Variants in PDK2 observed in about 807,000 individuals in gnomAD.
PDK2 encodes the protein pyruvate dehydrogenase kinase, isozyme 2.
A neutral mutation model predicts 50.4 loss-of-function variants in PDK2; 34 were observed. The ratio of observed to expected loss-of-function variants is 0.68; its 90% CI spans 0.51 to 0.90. The LOEUF is 0.90. PDK2 is among the 40% of genes least tolerant of loss of function. The pLI is 0.00. For missense variants in PDK2, 377 were observed against 544.5 expected (o/e 0.69, Z 3.06); for synonymous variants, 232 against 216.0 (o/e 1.07, Z -0.65).
Position 50,097,543 on chromosome 17 carries a change from C to T in PDK2, c.239C>T (p.Ser80Phe). Reference sequence around the variant, plus strand: ...CCCGACCGAGTGCTGAGCACACCCTCCGTGCAGCTGGTGCAGAGCTGGTGA... The same window carrying T: ...CCCGACCGAGTGCTGAGCACACCCTTCGTGCAGCTGGTGCAGAGCTGGTGA... ...LLPDRVLSTP[S>F]VQLVQSWYVQ... Residue 80 changes from serine (S) to phenylalanine (F), a missense_variant, in exon 2 of 11, where the codon TCC becomes TTC. Transcript: ENST00000503176. 1 of 1,613,660 alleles carries T rather than the reference C, an allele frequency of 6.2e-7. No individual in the cohort carries two copies. The highest frequency in any genetic ancestry group is 8.5e-7 in the Non-Finnish European group (1 of 1,180,014).
intron 2 of PDK2, among the ~76,000 whole-genome samples, chr17:50,104,561 A>G (rs1910404038): frequency 6.6e-6 from 1 of 152,170 alleles, no homozygotes; most frequent in Non-Finnish European, 1.5e-5. Context: ...AAGTTCAGGG[A>G]TTCTTGATGC....
Position 50,109,892 on chromosome 17 carries a change from G to T in PDK2, c.1084-65G>T. On this transcript the variant is annotated intron_variant, in intron 10 of 10. Transcript: ENST00000503176. This position sits in a 1 kb window ranked among gnomAD's most constrained non-coding sequence, Gnocchi z 5.0. The stretch of plus-strand genomic sequence containing the variant: ...CTGGGCTGCCGCTGAGCTGGGGTGG[G>T]GTGGTCTGCTGAGGAGTGGACAAGG... 1.4e-6 allele frequency: 2 copies of T among 1,411,254 alleles called. No individual in the cohort carries two copies. The highest frequency in any genetic ancestry group is 1.9e-6 in the Non-Finnish European group (2 of 1,068,826). 87.4% of individuals were successfully genotyped at this position (1,411,254 alleles called of 1,614,324 possible).
chr17:50,101,116 C>T lies in PDK2; in HGVS notation c.260+3552C>T, dbSNP rs942078544. 1 of 152,222 alleles carries T rather than the reference C, an allele frequency of 6.6e-6. No homozygotes were observed. Among genetic ancestry groups the T allele is most frequent in the Non-Finnish European group, 1.5e-5 (1 of 68,050 alleles). The allele number at this position is 152,222 out of a possible 1,614,324, so 9.4% of individuals were successfully genotyped here. ...GACTCACTGCTGTCACTAACAGGCT[C>T]TTTGTGGGGGCTGTAGGTGGGAGGC... On this transcript the variant is annotated intron_variant, in intron 2 of 10. Transcript: ENST00000503176. The surrounding 1 kb of genome is among the most constrained non-coding windows in gnomAD (Gnocchi z 4.2).
At chr17:50,103,796 C>T (rs1361933807) in intron 2 of PDK2, among the ~76,000 whole-genome samples, 1 of 152,284 alleles carries the variant, frequency 6.6e-6, no homozygotes, top group East Asian at 1.9e-4. Context: ...AGAATCAGCA[C>T]TCTGGAGTGG....
intron 3 of PDK2, 53 bp from the exon 4 acceptor site, chr17:50,105,832 A>C: frequency 6.3e-7 from 1 of 1,583,442 alleles, no homozygotes; most frequent in Non-Finnish European, 8.6e-7. Flanking sequence ...GGGGAGTCAG[A>C]AGCGGAGAAG....
At position 50,107,062 on chromosome 17, in the gene PDK2, C is replaced by A. The variant is rs1486001962; in HGVS notation, c.608-14C>A. On this transcript the variant is annotated splice_polypyrimidine_tract_variant and intron_variant, in intron 5 of 10. Transcript: ENST00000503176. ...TGGGCCACCCATGCCCTGAATGACC[C>A]CATCTTCTCTCAGATGCCTACGACA... The A allele has an allele frequency of 6.2e-7, 1 of 1,613,156 alleles. No individual in the cohort carries two copies. Among genetic ancestry groups the A allele is most frequent in the Admixed American group, 1.7e-5 (1 of 60,012 alleles).
Position 50,110,199 on chromosome 17 carries a change from T to C in PDK2, c.*102T>C. On this transcript the variant is annotated 3_prime_UTR_variant, in exon 11 of 11. Coordinates refer to ENST00000503176, the MANE Select transcript of PDK2 (RefSeq NM_002611.5). ...TCCTGGGGGAGCAGGGGGTGGGTTC[T>C]CCCTGATGACCAGGTTCTGTCTCTA... The C allele has an allele frequency of 7.8e-7, 1 of 1,282,410 alleles. No individual in the cohort carries two copies. The highest frequency in any genetic ancestry group is 1.1e-6 in the Non-Finnish European group (1 of 948,002). The allele number at this position is 1,282,410 out of a possible 1,614,324, so 79.4% of individuals were successfully genotyped here.
At chr17:50,097,089 C>T (rs1909990377) in intron 1 of PDK2, among the ~76,000 whole-genome samples, 1 of 151,444 alleles carries the variant, frequency 6.6e-6, no homozygotes, top group African/African-American at 2.4e-5. Flanking sequence ...GGAATCAGCC[C>T]CTCAAAGTGA....
At chr17:50,097,854 A>G (rs932282215) in intron 2 of PDK2, 1 of 334,228 alleles carries the variant, frequency 3.0e-6, no homozygotes. Flanking sequence ...CAAAACCCCA[A>G]TTCAGGCTGA....
intron 2 of PDK2, among the ~76,000 whole-genome samples, chr17:50,103,645 C>CA (rs1910347470): frequency 6.6e-6 from 1 of 152,136 alleles, no homozygotes; most frequent in Admixed American, 6.5e-5. Flanking sequence ...CTTAAAGAGC[C>CA]AGGTCTGGGT....
At chr17:50,103,395 T>A (rs796352028) in intron 2 of PDK2, among the ~76,000 whole-genome samples, 9 of 152,132 alleles carry the variant, frequency 5.9e-5, no homozygotes, top group African/African-American at 2.2e-4. Flanking sequence ...TGGGAGAGTA[T>A]CAGATGCTGC....
chr17:50,097,442 G>GA lies in PDK2; in HGVS notation c.142dup (p.Thr48AsnfsTer67). The GA allele has an allele frequency of 6.2e-7, 1 of 1,613,868 alleles. No homozygotes were observed. The highest frequency in any genetic ancestry group is 2.2e-5 in the East Asian group (1 of 44,878). On this transcript the variant is annotated frameshift_variant, in exon 2 of 11. Coordinates refer to ENST00000503176, the MANE Select transcript of PDK2 (RefSeq NM_002611.5). LOFTEE classifies it high-confidence loss of function. The stretch of plus-strand genomic sequence containing the variant: ...TGCCAGGATCCAGCAATGCCTGTGA[G>GA]AAAACCTCCTTCACCTTCCTCAGGC...
At chr17:50,096,175 A>C in intron 1 of PDK2, 1 of 985,564 alleles carries the variant, frequency 1.0e-6, no homozygotes, top group Non-Finnish European at 1.2e-6. Context: ...GGACACTTGA[A>C]GATCAAATCT....
In PDK2 at chr17:50,111,849, G is replaced by A. The variant is rs1480200102; in HGVS notation, c.*1752G>A. ...CCAGCCCTCAGTGTGGCCCAGGGAA[G>A]CAGAGCTTGCACCGCCTGCCAGTTC... On this transcript the variant is annotated 3_prime_UTR_variant, in exon 11 of 11. Transcript: ENST00000503176. 6.6e-6 allele frequency: 1 copy of A among 152,212 alleles called. No homozygotes were observed. The highest frequency in any genetic ancestry group is 2.4e-5 in the African/African-American group (1 of 41,426). The allele number at this position is 152,212 out of a possible 1,614,324, so 9.4% of individuals were successfully genotyped here.
chr17:50,106,249 C>T, intron 4 of PDK2, 180 bp downstream of exon 4: 2 of 1,406,118 alleles, frequency 1.4e-6, no homozygotes, highest in Non-Finnish European at 1.9e-6. Flanking sequence ...ATTTTTCTTT[C>T]TCATTGATTT....
In PDK2 at chr17:50,110,150, CCACCGTGGTGCCCCT is replaced by C; in HGVS notation, c.*58_*72del. The stretch of plus-strand genomic sequence containing the variant: ...GACGGACTGCCGCCTCTGGGTCCCC[CCACCGTGGTGCCCCT>C]CACCATCCTCCTGGGGGAGCAGGGG... On this transcript the variant is annotated 3_prime_UTR_variant, in exon 11 of 11. Transcript: ENST00000503176. 10 of 1,515,516 alleles carry C rather than the reference CCACCGTGGTGCCCCT, an allele frequency of 6.6e-6. No homozygotes were observed. The highest frequency in any genetic ancestry group is 8.9e-7 in the Non-Finnish European group (1 of 1,125,240). 93.9% of individuals were successfully genotyped at this position (1,515,516 alleles called of 1,614,324 possible).
chr17:50,095,163 C>G (rs1567709998), upstream of PDK2: 2 of 404,510 alleles, frequency 4.9e-6, no homozygotes, highest in Non-Finnish European at 8.9e-6. Flanking sequence ...GCGCGGCCTC[C>G]CCAAAACAAC....
intron 2 of PDK2, chr17:50,104,471 G>C (rs1381571867): frequency 1.3e-5 from 2 of 152,290 alleles, no homozygotes; most frequent in African/African-American, 2.4e-5. Context: ...GGCTGGTCTT[G>C]AACTCCTGAC....
rs151254290 is a variant in PDK2 at position 50,096,775 on chromosome 17, G to A, written c.119-648G>A. On this transcript the variant is annotated intron_variant, in intron 1 of 10. Coordinates refer to ENST00000503176, the MANE Select transcript of PDK2 (RefSeq NM_002611.5). ...CATGGCCTGGGTGACAGAGTTGGAA[G>A]CAGAGCCTGATGGACTGGAACCCAG... is the stretch of plus-strand genomic sequence containing the variant. Among the ~76,000 whole-genome samples the A allele has an allele frequency of 4.4e-3, 664 of 152,354 alleles. 6 individuals carry two copies. The highest frequency in any genetic ancestry group is 0.015 in the African/African-American group (632 of 41,588).
Sources: gnomAD v4.1 joint callset for allele counts (sites outside exome capture counted in the v4.1 genomes callset) on GRCh38, gnomAD v4.1.1 for gene constraint, Gnocchi (gnomAD v3.1) non-coding constraint, MANE v1.5 for transcripts, NCBI Gene and HGNC (gene_info 2026-07-23, HGNC 2026-07-21) for gene names.